LDLRAD4: variants seen among roughly 807,000 people sequenced by gnomAD.
LDLRAD4 encodes the protein low-density lipoprotein receptor class A domain-containing protein 4.
LDLRAD4 carries 5 observed loss-of-function variants against 17.0 expected under a neutral mutation model. The observed-to-expected ratio is 0.29, with a 90% confidence interval of 0.15 to 0.62. LDLRAD4 has a LOEUF of 0.62. Ranked by LOEUF, LDLRAD4 falls within the 20% of genes least tolerant of loss-of-function variation. LDLRAD4 has a pLI of 0.84. For synonymous variants in LDLRAD4, 168 were observed against 171.8 expected (o/e 0.98, Z 0.17); for missense variants, 340 against 424.7 (o/e 0.80, Z 1.75).
At chr18:13,401,967 T>C (rs2087256001) in intron 2 of LDLRAD4, among the ~76,000 whole-genome samples, 1 of 152,180 alleles carries the variant, frequency 6.6e-6, no homozygotes, top group Admixed American at 6.5e-5. Context: ...CGGTGGTTCC[T>C]CCTTATCCGG....
intron 3 of LDLRAD4, among the ~76,000 whole-genome samples, chr18:13,556,016 T>G (rs1601353573): frequency 6.6e-6 from 1 of 152,226 alleles, no homozygotes; most frequent in East Asian, 1.9e-4. Context: ...AGATGGTAGT[T>G]TTGGAATGCA....
At chr18:13,245,615 A>G (rs1187695121) in intron 1 of LDLRAD4, among the ~76,000 whole-genome samples, 3 of 152,210 alleles carry the variant, frequency 2.0e-5, no homozygotes, top group Non-Finnish European at 2.9e-5. Flanking sequence ...ACTATGGCCC[A>G]TGTATCCCTA....
chr18:13,371,474 A>G (rs1194361290), intron 1 of LDLRAD4, among the ~76,000 whole-genome samples: 1 of 152,230 alleles, frequency 6.6e-6, no homozygotes, highest in Non-Finnish European at 1.5e-5. Context: ...TGAGTACATC[A>G]GAACCCACAG....
chr18:13,412,179 A>G (rs935567368), intron 2 of LDLRAD4, among the ~76,000 whole-genome samples: 29 of 152,126 alleles, frequency 1.9e-4, no homozygotes, highest in African/African-American at 7.2e-5. Flanking sequence ...GCTCAGGGCA[A>G]TTCCCTAACT....
chr18:13,594,687 A>AAAAAAAAAAAAAAAAAAC (rs1390993124), intron 3 of LDLRAD4, among the ~76,000 whole-genome samples: 1 of 149,200 alleles, frequency 6.7e-6, no homozygotes, highest in Non-Finnish European at 1.5e-5. Context: ...AAAAAAAAAA[A>AAAAAAAAAAAAAAAAAAC]AAGAAACAGG....
At chr18:13,451,870 C>G (rs1214163331) in intron 3 of LDLRAD4, among the ~76,000 whole-genome samples, 1 of 152,238 alleles carries the variant, frequency 6.6e-6, no homozygotes, top group Non-Finnish European at 1.5e-5. Flanking sequence ...AAGCTTGTCA[C>G]TCAGGGGTTA....
intron 3 of LDLRAD4, chr18:13,615,644 T>C (rs1423836129): frequency 6.6e-6 from 1 of 152,250 alleles, no homozygotes; most frequent in Non-Finnish European, 1.5e-5. Flanking sequence ...AATAGAGAGA[T>C]GCCATCATCA....
At chr18:13,354,086 G>A (rs2144485968) in intron 1 of LDLRAD4, among the ~76,000 whole-genome samples, 1 of 152,250 alleles carries the variant, frequency 6.6e-6, no homozygotes, top group East Asian at 1.9e-4. Context: ...GTGCACACCT[G>A]TAGTCCCAGC....
At chr18:13,597,871 A>G (rs2095114415) in intron 3 of LDLRAD4, among the ~76,000 whole-genome samples, 1 of 151,922 alleles carries the variant, frequency 6.6e-6, no homozygotes, top group East Asian at 1.9e-4. Flanking sequence ...TGGTTTTTTC[A>G]CAGATAATTC....
chr18:13,335,219 G>C (rs1271804061), intron 1 of LDLRAD4, among the ~76,000 whole-genome samples: 1 of 152,126 alleles, frequency 6.6e-6, no homozygotes, highest in Non-Finnish European at 1.5e-5. Flanking sequence ...TCACTCCTCT[G>C]GTTCGTTAGA....
intron 3 of LDLRAD4, among the ~76,000 whole-genome samples, chr18:13,555,016 A>T (rs1370240613): frequency 6.6e-6 from 1 of 152,218 alleles, no homozygotes; most frequent in African/African-American, 2.4e-5. Flanking sequence ...CCTTAAAGTT[A>T]GTCTAATCAT....
chr18:13,481,583 C>T (rs1299016287), intron 3 of LDLRAD4, among the ~76,000 whole-genome samples: 1 of 152,280 alleles, frequency 6.6e-6, no homozygotes, highest in East Asian at 1.9e-4. Flanking sequence ...TTCCTGTCCC[C>T]CAGTCTCCAC....
At chr18:13,567,170 T>G (rs2094614635) in intron 3 of LDLRAD4, among the ~76,000 whole-genome samples, 1 of 152,230 alleles carries the variant, frequency 6.6e-6, no homozygotes, top group Admixed American at 6.5e-5. Flanking sequence ...GCCTCCCAGC[T>G]TCACTAGTTT....
chr18:13,495,396 A>G (rs191238650), intron 3 of LDLRAD4, among the ~76,000 whole-genome samples: 1 of 152,196 alleles, frequency 6.6e-6, no homozygotes, highest in East Asian at 1.9e-4. Flanking sequence ...TTGTAAATGT[A>G]TCTCGTCTGT....
intron 2 of LDLRAD4, among the ~76,000 whole-genome samples, chr18:13,390,185 T>C (rs2086157559): frequency 6.6e-6 from 1 of 152,226 alleles, no homozygotes; most frequent in Non-Finnish European, 1.5e-5. Flanking sequence ...CCCAAGAATC[T>C]GTTTCCTTAC....
At chr18:13,259,287 G>A (rs573737436) in intron 1 of LDLRAD4, among the ~76,000 whole-genome samples, 6 of 151,838 alleles carry the variant, frequency 4.0e-5, no homozygotes, top group African/African-American at 9.7e-5. Context: ...GTATCCTCCC[G>A]CCTTAGTCTC....
intron 3 of LDLRAD4, among the ~76,000 whole-genome samples, chr18:13,608,953 T>C (rs1257802701): frequency 1.3e-5 from 2 of 152,258 alleles, no homozygotes; most frequent in African/African-American, 4.8e-5. Flanking sequence ...TTGGTGTCCC[T>C]GCCTTGCTCC....
At chr18:13,276,048 G>A (rs977722307), upstream of LDLRAD4, among the ~76,000 whole-genome samples, 1 of 151,980 alleles carries the variant, frequency 6.6e-6, no homozygotes, top group Non-Finnish European at 1.5e-5. Flanking sequence ...TTATTCTGTC[G>A]CCCATGCTGG....
At chr18:13,599,180 A>G (rs2095130603) in intron 3 of LDLRAD4, among the ~76,000 whole-genome samples, 1 of 152,038 alleles carries the variant, frequency 6.6e-6, no homozygotes, top group African/African-American at 2.4e-5. Context: ...AAGTGGGGAG[A>G]GAGGAAACTC....
Sources: allele counts gnomAD v4.1 joint callset (sites outside exome capture counted in the v4.1 genomes callset), GRCh38; gene constraint gnomAD v4.1.1; transcripts MANE v1.5; gene names NCBI Gene and HGNC (gene_info 2026-07-23, HGNC 2026-07-21).